Variants in PAPSS1 observed in about 807,000 individuals in gnomAD.
PAPSS1 encodes the protein 3'-phosphoadenosine 5'-phosphosulfate synthase 1, also known as bifunctional 3'-phosphoadenosine 5'-phosphosulfate synthase 1.
A neutral mutation model predicts 72.0 loss-of-function variants in PAPSS1; 50 were observed. The ratio of observed to expected loss-of-function variants is 0.69; its 90% CI spans 0.55 to 0.88. The LOEUF (loss-of-function observed/expected upper bound fraction) is 0.88. Ranked by LOEUF, PAPSS1 falls within the 40% of genes least tolerant of loss-of-function variation. PAPSS1 has a pLI of 0.00. For missense variants in PAPSS1, 657 were observed against 782.2 expected (o/e 0.84, Z 1.91); for synonymous variants, 261 against 263.6 (o/e 0.99, Z 0.09).
At chr4:107,654,928 C>A in intron 7 of PAPSS1, 28 bp from the exon 8 acceptor site, 1 of 1,563,434 alleles carries the variant, frequency 6.4e-7, no homozygotes, top group Non-Finnish European at 8.8e-7. Context: ...ACATGAAGCA[C>A]ACAGCTTGAA....
rs772663513 is a variant in PAPSS1 at position 107,653,623 on chromosome 4, C to A, written c.1105G>T (p.Val369Leu). 1 of 1,608,816 alleles carries A rather than the reference C, an allele frequency of 6.2e-7. No individual in the cohort carries two copies. Among genetic ancestry groups the A allele is most frequent in the Non-Finnish European group, 8.5e-7 (1 of 1,178,410 alleles). The stretch of plus-strand genomic sequence containing the variant: ...ATCAGCCAATCTCCTTGTTCCATCA[C>A]CATCTAATAGGAAAAACAAATTTTT... ...TCKNHPYIKM[V>L]MEQGDWLIGG... Residue 369 changes from valine to leucine, a missense_variant, in exon 9 of 12, where the codon GTG becomes TTG. Val to Leu is a conservative substitution (Grantham distance 32, BLOSUM62 1). This residue lies in a region of PAPSS1 where 190 missense variants were observed against 176.7 expected (regional missense o/e 1.07). Transcript: ENST00000265174.
chr4:107,656,167 T>A (rs1052664006), intron 7 of PAPSS1, among the ~76,000 whole-genome samples: 1 of 152,126 alleles, frequency 6.6e-6, no homozygotes, highest in African/African-American at 2.4e-5. Context: ...GGCTAGAGTA[T>A]AGTGGTGCCA....
At chr4:107,679,902 CAAAT>C (rs1218332927) in intron 5 of PAPSS1, among the ~76,000 whole-genome samples, 1 of 151,794 alleles carries the variant, frequency 6.6e-6, no homozygotes, top group African/African-American at 2.4e-5. Context: ...AAAAAAAAGT[CAAAT>C]AATGACAGAA....
chr4:107,656,833 A>G lies in PAPSS1; in HGVS notation c.895+63T>C, dbSNP rs1727024210. On this transcript the variant is annotated intron_variant, in intron 7 of 11. Transcript: ENST00000265174. ...TACTACTTTTTGTAAACAGTGACAA[A>G]TCTCTGCAACTATGTAATTTCTCTT... is the stretch of plus-strand genomic sequence containing the variant. 3 of 1,165,364 alleles carry G rather than the reference A, an allele frequency of 2.6e-6. No individual in the cohort carries two copies. In the South Asian group the frequency reaches 3.7e-5, roughly 14 times the overall value. The allele number at this position is 1,165,364 out of a possible 1,614,324, so 72.2% of individuals were successfully genotyped here.
At chr4:107,657,055 G>A (rs781094573) in intron 6 of PAPSS1, 48 bp from the exon 7 acceptor site, 7 of 1,174,290 alleles carry the variant, frequency 6.0e-6, no homozygotes, top group Middle Eastern at 1.9e-4. Flanking sequence ...ATGTATATAT[G>A]AGCAAAAGCA....
chr4:107,628,456 G>A (rs998415056), intron 11 of PAPSS1, among the ~76,000 whole-genome samples: 1 of 152,050 alleles, frequency 6.6e-6, no homozygotes, highest in Admixed American at 6.5e-5. Flanking sequence ...ACAGGGTCAG[G>A]GCTACATTAT....
At chr4:107,644,116 G>A (rs777982588) in intron 10 of PAPSS1, among the ~76,000 whole-genome samples, 2 of 152,146 alleles carry the variant, frequency 1.3e-5, no homozygotes, top group African/African-American at 2.4e-5. Flanking sequence ...ATGCTCTTTC[G>A]GGTAGTGAGG....
chr4:107,667,283 C>T (rs967654446), intron 5 of PAPSS1, among the ~76,000 whole-genome samples: 1 of 152,160 alleles, frequency 6.6e-6, no homozygotes. Context: ...GCCACCCCTT[C>T]CCTGCACATC....
intron 9 of PAPSS1, 34 bp downstream of exon 9, chr4:107,653,457 C>T (rs768103496): frequency 2.6e-5 from 41 of 1,578,926 alleles, no homozygotes; most frequent in East Asian, 4.5e-5. Context: ...CTCTCCAAGC[C>T]GGCCTATATT....
At chr4:107,653,709 CGTT>C in intron 8 of PAPSS1, 83 bp from the exon 9 acceptor site, 1 of 1,095,306 alleles carries the variant, frequency 9.1e-7, no homozygotes, top group East Asian at 2.7e-5. Context: ...TAAATACAGT[CGTT>C]GTAAGCTACT....
At chr4:107,704,367 TCCAGTA>T (rs1039493099) in intron 1 of PAPSS1, among the ~76,000 whole-genome samples, 2 of 152,248 alleles carry the variant, frequency 1.3e-5, no homozygotes, top group Non-Finnish European at 2.9e-5. Flanking sequence ...GTCTAGGACC[TCCAGTA>T]CTATGCTGAA....
chr4:107,621,784 CTAAT>C (rs1489333603), intron 11 of PAPSS1, among the ~76,000 whole-genome samples: 1 of 151,316 alleles, frequency 6.6e-6, no homozygotes, highest in Non-Finnish European at 1.5e-5. Flanking sequence ...CCACGCCTGG[CTAAT>C]TTTTTTTTTG....
chr4:107,621,213 C>A (rs1370895603), intron 11 of PAPSS1, among the ~76,000 whole-genome samples: 2 of 152,044 alleles, frequency 1.3e-5, no homozygotes, highest in African/African-American at 4.8e-5. Context: ...CAACTGCAAC[C>A]AGTGAGATTT....
At chr4:107,637,708 C>A (rs908014040) in intron 10 of PAPSS1, among the ~76,000 whole-genome samples, 2 of 152,116 alleles carry the variant, frequency 1.3e-5, no homozygotes, top group African/African-American at 4.8e-5. Flanking sequence ...ACTTTATATT[C>A]TCAAAGTGTT....
intron 1 of PAPSS1, 56 bp from the exon 2 acceptor site, chr4:107,701,341 C>T: frequency 9.4e-7 from 1 of 1,058,864 alleles, no homozygotes; most frequent in Non-Finnish European, 1.4e-6. Flanking sequence ...AAAAGGCAAA[C>T]ACATATTCCT....
chr4:107,618,597 G>A (rs538277647), intron 11 of PAPSS1, among the ~76,000 whole-genome samples: 11 of 152,164 alleles, frequency 7.2e-5, no homozygotes, highest in African/African-American at 2.6e-4. Flanking sequence ...TGGTGGGGGA[G>A]TGGAGAGAGA....
chr4:107,627,098 A>C (rs1437388711), intron 11 of PAPSS1, among the ~76,000 whole-genome samples: 2 of 152,242 alleles, frequency 1.3e-5, no homozygotes, highest in Non-Finnish European at 2.9e-5. Context: ...AAGGCTTACC[A>C]GCACATCAGT....
At chr4:107,688,853 T>G (rs1325271326) in intron 3 of PAPSS1, among the ~76,000 whole-genome samples, 1 of 152,166 alleles carries the variant, frequency 6.6e-6, no homozygotes, top group Non-Finnish European at 1.5e-5. Context: ...TGCCAAAAAC[T>G]AAGCATGTCC....
intron 10 of PAPSS1, among the ~76,000 whole-genome samples, chr4:107,633,918 C>CA (rs765586369): frequency 0.55 from 49,325 of 89,960 alleles, 12,285 homozygotes; most frequent in Non-Finnish European, 0.61. Context: ...GACTCCGTCT[C>CA]AAAAAAAAAA....
Sources: allele counts gnomAD v4.1 joint callset (sites outside exome capture counted in the v4.1 genomes callset), GRCh38; gene constraint gnomAD v4.1.1; regional missense constraint gnomAD v4.1.1; transcripts MANE v1.5; gene names NCBI Gene and HGNC (gene_info 2026-07-23, HGNC 2026-07-21).